Variants in MTUS2 observed in about 807,000 individuals in gnomAD.
The protein encoded by MTUS2 is microtubule associated scaffold protein 2, also known as microtubule-associated tumor suppressor candidate 2.
A neutral mutation model predicts 114.1 loss-of-function variants in MTUS2; 40 were observed. That is an observed-to-expected ratio of 0.35 (90% confidence interval 0.27 to 0.46). The LOEUF (loss-of-function observed/expected upper bound fraction) is 0.46, where lower values mean the gene tolerates loss of function less well. Among genes scored for constraint, MTUS2 ranks in the 20% least tolerant of loss-of-function variants. The pLI, the probability that MTUS2 is intolerant of heterozygous loss-of-function variation, is 1.00. For missense variants in MTUS2, 1,679 were observed against 1,705.4 expected, an observed-to-expected ratio of 0.98 and a Z score of 0.27; for synonymous variants, 688 against 672.0, an observed-to-expected ratio of 1.02 and a Z score of -0.37.
chr13:29,166,409 A>G (rs2139099164), intron 5 of MTUS2, among the ~76,000 whole-genome samples: 1 of 152,334 alleles, frequency 6.6e-6, no homozygotes, highest in Middle Eastern at 3.4e-3. Flanking sequence ...TAGTCACTGG[A>G]ACATGGGTAC....
chr13:29,486,244 C>T (rs1881608940), intron 10 of MTUS2, among the ~76,000 whole-genome samples: 2 of 152,176 alleles, frequency 1.3e-5, no homozygotes, highest in African/African-American at 4.8e-5. Context: ...TGCGATGCAG[C>T]TTTCCTAATG....
Position 29,080,877 on chromosome 13 carries a change from C to G in MTUS2, c.2447-19896C>G, listed in dbSNP as rs568765344. 2.0e-5 allele frequency among the ~76,000 whole-genome samples: 3 copies of G among 152,236 alleles called. No individual in the cohort carries two copies. The East Asian group carries it at 5.8e-4, about 29-fold the overall frequency. ...AGTAGCTGGGATTACAGGTGCCCAC[C>G]ACTATGCCTAGCTAATTTTTGTATT... On this transcript the variant is annotated intron_variant, in intron 4 of 15. Transcript: ENST00000612955.
intron 5 of MTUS2, among the ~76,000 whole-genome samples, chr13:29,197,023 A>C (rs1249574437): frequency 6.6e-6 from 1 of 152,166 alleles, no homozygotes; most frequent in African/African-American, 2.4e-5. Context: ...TTTTTTGAGC[A>C]ATCACCATAG....
intron 5 of MTUS2, among the ~76,000 whole-genome samples, chr13:29,280,551 C>T (rs1380894552): frequency 6.6e-6 from 1 of 152,114 alleles, no homozygotes; most frequent in Non-Finnish European, 1.5e-5. Context: ...AACACTAAAG[C>T]CATTTTAATA....
intron 5 of MTUS2, among the ~76,000 whole-genome samples, chr13:29,200,067 ATTC>A (rs1894876574): frequency 6.6e-6 from 1 of 151,608 alleles, no homozygotes; most frequent in Non-Finnish European, 1.5e-5. Flanking sequence ...TGTCTATTTA[ATTC>A]TTCTCTCTTT....
chr13:29,244,935 G>A (rs1327284487), intron 5 of MTUS2, among the ~76,000 whole-genome samples: 7 of 105,978 alleles, frequency 6.6e-5, no homozygotes, highest in African/African-American at 1.1e-4. Flanking sequence ...CAGCCTGGGC[G>A]ACAGAGCGAG....
Position 29,034,034 on chromosome 13 carries a change from T to G in MTUS2, c.2355T>G (p.Ile785Met). The G allele has an allele frequency of 6.2e-7, 1 of 1,614,006 alleles. No homozygotes were observed. The highest frequency in any genetic ancestry group is 1.1e-5 in the South Asian group (1 of 91,080). The change falls in exon 4 of 16, where the codon ATT becomes ATG. Residue 785 changes from isoleucine (I) to methionine (M), a missense_variant. Physicochemically the swap from Ile to Met is conservative, Grantham distance 10. Coordinates refer to ENST00000612955, the MANE Select transcript of MTUS2 (RefSeq NM_001033602.4). Reference protein sequence around the residue: ...MSRLPSAKSRILIASQRSSAS... With the variant: ...MSRLPSAKSRMLIASQRSSAS... The stretch of plus-strand genomic sequence containing the variant: ...GTTTACCATCTGCAAAGAGCAGGAT[T>G]CTGATTGCAAGTCAGAGGTCTTCAG...
At chr13:28,877,002 C>A (rs779224614) in intron 2 of MTUS2, among the ~76,000 whole-genome samples, 1 of 151,706 alleles carries the variant, frequency 6.6e-6, no homozygotes. Flanking sequence ...TTAAAAAATA[C>A]TTATTTAAGG....
At chr13:29,109,631 T>C (rs1890805246) in intron 5 of MTUS2, among the ~76,000 whole-genome samples, 1 of 152,160 alleles carries the variant, frequency 6.6e-6, no homozygotes, top group Non-Finnish European at 1.5e-5. Flanking sequence ...ATATTAATAA[T>C]GATTAAAATA....
intron 2 of MTUS2, among the ~76,000 whole-genome samples, chr13:28,873,711 C>A (rs1348977735): frequency 6.6e-6 from 1 of 152,146 alleles, no homozygotes; most frequent in African/African-American, 2.4e-5. Flanking sequence ...TGTTGAACTC[C>A]TAGAATCACA....
At chr13:29,387,918 ACT>A (rs1296205966) in intron 8 of MTUS2, among the ~76,000 whole-genome samples, 1 of 151,948 alleles carries the variant, frequency 6.6e-6, no homozygotes, top group African/African-American at 2.4e-5. Flanking sequence ...AAGACTAGAC[ACT>A]CTGTTAGCCT....
chr13:29,491,581 GGTGT>G (rs1160871759), intron 11 of MTUS2, among the ~76,000 whole-genome samples: 17 of 129,784 alleles, frequency 1.3e-4, no homozygotes, highest in African/African-American at 4.6e-4. Flanking sequence ...AGTGTGTGGG[GGTGT>G]GTGTGACAGG....
At chr13:29,033,682 A>C (rs759675593) in intron 3 of MTUS2, among the ~76,000 whole-genome samples, 45 of 152,254 alleles carry the variant, frequency 3.0e-4, no homozygotes, top group African/African-American at 5.5e-4. Context: ...GAGTAGTAGA[A>C]CTGGAAGAGA....
chr13:29,156,750 A>G (rs1892877605), intron 5 of MTUS2, among the ~76,000 whole-genome samples: 2 of 152,154 alleles, frequency 1.3e-5, no homozygotes, highest in Non-Finnish European at 2.9e-5. Flanking sequence ...ACCTATATTG[A>G]TATCTTTTAA....
At chr13:29,326,200 G>A (rs1900505090) in intron 7 of MTUS2, among the ~76,000 whole-genome samples, 1 of 152,230 alleles carries the variant, frequency 6.6e-6, no homozygotes, top group Non-Finnish European at 1.5e-5. Context: ...CCGAGGATGG[G>A]GAGCAAGCCC....
At chr13:29,074,293 A>G (rs964947124) in intron 4 of MTUS2, among the ~76,000 whole-genome samples, 5 of 152,154 alleles carry the variant, frequency 3.3e-5, no homozygotes, top group African/African-American at 4.8e-5. Context: ...ACTCAGGTCA[A>G]GTTTACCTCC....
At chr13:29,219,421 C>A (rs577217807) in intron 5 of MTUS2, among the ~76,000 whole-genome samples, 1 of 149,438 alleles carries the variant, frequency 6.7e-6, no homozygotes, top group South Asian at 2.1e-4. Flanking sequence ...TGAATAATGC[C>A]GCAATAAACA....
intron 2 of MTUS2, among the ~76,000 whole-genome samples, chr13:29,010,642 G>A (rs1335541557): frequency 6.6e-6 from 1 of 151,912 alleles, no homozygotes; most frequent in Non-Finnish European, 1.5e-5. Context: ...CCCCTGCTGT[G>A]GGGAGGTTTT....
intron 2 of MTUS2, among the ~76,000 whole-genome samples, chr13:28,963,928 C>T (rs75605218): frequency 6.6e-6 from 1 of 152,176 alleles, no homozygotes; most frequent in Non-Finnish European, 1.5e-5. Flanking sequence ...CAGTCTCCCC[C>T]CAGCCTGACC....
Sources: gnomAD v4.1 joint callset for allele counts (sites outside exome capture counted in the v4.1 genomes callset) on GRCh38, gnomAD v4.1.1 for gene constraint, MANE v1.5 for transcripts, NCBI Gene and HGNC (gene_info 2026-07-23, HGNC 2026-07-21) for gene names.